CCSER1: variants seen among roughly 807,000 people sequenced by gnomAD.
The protein encoded by CCSER1 is coiled-coil serine rich protein 1, also known as serine-rich coiled-coil domain-containing protein 1.
Under a neutral mutation model 82.0 loss-of-function variants are expected in CCSER1, and 41 were observed. The observed-to-expected ratio is 0.50, with a 90% CI of 0.39 to 0.65. The LOEUF (loss-of-function observed/expected upper bound fraction) is 0.65, where lower values mean the gene tolerates loss of function less well. Among genes scored for constraint, CCSER1 ranks in the 30% least tolerant of loss-of-function variants. The probability of loss-of-function intolerance (pLI) is 0.00; values close to 1 mark genes in which losing one functional copy is unlikely to be tolerated. For missense variants in CCSER1, 1,119 were observed against 1,064.2 expected, an observed-to-expected ratio of 1.05 and a Z score of -0.72; for synonymous variants, 414 against 383.9, an observed-to-expected ratio of 1.08 and a Z score of -0.92.
intron 1 of CCSER1, among the ~76,000 whole-genome samples, chr4:90,245,474 C>T (rs1721258866): frequency 6.6e-6 from 1 of 152,120 alleles, no homozygotes; most frequent in South Asian, 2.1e-4. Flanking sequence ...AGGAAAAAGA[C>T]ATTATTGTTG....
chr4:90,334,860 C>A lies in CCSER1; in HGVS notation c.1509+21813C>A, dbSNP rs549685125. On this transcript the variant is annotated intron_variant, in intron 3 of 10. Transcript: ENST00000509176. ...ATAAAATACCACAATTTATTAGTGA[C>A]TGAAGTCACACAGCCCAATTTATGA... 1.5e-3 allele frequency among the ~76,000 whole-genome samples: 232 copies of A among 152,248 alleles called. 1 individual carries two copies. The highest frequency in any genetic ancestry group is 5.4e-3 in the African/African-American group (226 of 41,560).
intron 5 of CCSER1, among the ~76,000 whole-genome samples, chr4:90,519,487 G>A (rs1772788126): frequency 6.6e-6 from 1 of 151,814 alleles, no homozygotes; most frequent in Non-Finnish European, 1.5e-5. Flanking sequence ...GTTACATAGG[G>A]AAGAATAAAA....
intron 10 of CCSER1, among the ~76,000 whole-genome samples, chr4:91,523,224 T>G (rs1388495689): frequency 6.6e-6 from 1 of 152,176 alleles, no homozygotes; most frequent in Admixed American, 6.5e-5. Context: ...GAAATGAAGC[T>G]GACTTGATCA....
intron 10 of CCSER1, among the ~76,000 whole-genome samples, chr4:91,286,505 G>A (rs915318846): frequency 4.0e-5 from 6 of 151,700 alleles, no homozygotes; most frequent in Non-Finnish European, 5.9e-5. Context: ...ATGGGTTTAT[G>A]TTTTAAAATT....
intron 7 of CCSER1, among the ~76,000 whole-genome samples, chr4:90,757,933 C>CTTTTTTTTTTTTTT (rs200053849): frequency 5.1e-5 from 7 of 136,490 alleles, no homozygotes; most frequent in Non-Finnish European, 3.2e-5. Context: ...GTTTCCTTTT[C>CTTTTTTTTTTTTTT]TTTTTTTTTT....
chr4:91,064,612 T>C (rs1744209783), intron 9 of CCSER1, among the ~76,000 whole-genome samples: 1 of 152,206 alleles, frequency 6.6e-6, no homozygotes, highest in African/African-American at 2.4e-5. Flanking sequence ...GCCACAATCA[T>C]AGAAATTCCA....
At chr4:90,557,071 C>G (rs904714598) in intron 5 of CCSER1, among the ~76,000 whole-genome samples, 4 of 151,718 alleles carry the variant, frequency 2.6e-5, no homozygotes, top group African/African-American at 9.7e-5. Flanking sequence ...TCTTCTCTCA[C>G]TATATTAATT....
chr4:91,109,425 T>C (rs1482469493), intron 10 of CCSER1, among the ~76,000 whole-genome samples: 3 of 152,074 alleles, frequency 2.0e-5, no homozygotes, highest in African/African-American at 7.2e-5. Context: ...AGTAACTTAT[T>C]AGCCCTAGTA....
intron 10 of CCSER1, among the ~76,000 whole-genome samples, chr4:91,544,723 TG>T (rs1416796643): frequency 2.0e-5 from 3 of 152,246 alleles, no homozygotes; most frequent in South Asian, 4.2e-4. Context: ...CTGCCCCTAC[TG>T]GGGGGTGCCT....
intron 7 of CCSER1, among the ~76,000 whole-genome samples, chr4:90,731,663 A>G (rs1744770536): frequency 6.6e-6 from 1 of 152,182 alleles, no homozygotes; most frequent in Non-Finnish European, 1.5e-5. Context: ...TTAAATAAAC[A>G]TGGCATCATT....
intron 1 of CCSER1, among the ~76,000 whole-genome samples, chr4:90,270,875 G>T (rs1488715311): frequency 6.6e-6 from 1 of 151,990 alleles, no homozygotes; most frequent in Non-Finnish European, 1.5e-5. Flanking sequence ...AATCAAGAAA[G>T]TAATTGCATT....
chr4:91,021,011 G>T (rs1024128576), intron 9 of CCSER1, among the ~76,000 whole-genome samples: 1 of 152,112 alleles, frequency 6.6e-6, no homozygotes, highest in Non-Finnish European at 1.5e-5. Flanking sequence ...CAAAGTTAGT[G>T]TCTTAAAGAA....
At chr4:91,365,754 C>T (rs1012348469) in intron 10 of CCSER1, among the ~76,000 whole-genome samples, 3 of 152,004 alleles carry the variant, frequency 2.0e-5, no homozygotes, top group African/African-American at 7.2e-5. Context: ...GATGAAGTGG[C>T]GTGGTCAGAG....
chr4:90,929,878 C>T (rs1729510048), intron 9 of CCSER1, among the ~76,000 whole-genome samples: 1 of 151,994 alleles, frequency 6.6e-6, no homozygotes, highest in East Asian at 1.9e-4. Flanking sequence ...TCAAATGTCT[C>T]ACTACAAAAA....
At chr4:91,357,089 G>A (rs765585415) in intron 10 of CCSER1, among the ~76,000 whole-genome samples, 73 of 152,246 alleles carry the variant, frequency 4.8e-4, no homozygotes, top group Non-Finnish European at 8.2e-4. Context: ...CTTAACTGCC[G>A]AAGTTTGTTT....
chr4:90,268,346 A>G (rs1725622534), intron 1 of CCSER1, among the ~76,000 whole-genome samples: 1 of 152,312 alleles, frequency 6.6e-6, no homozygotes, highest in Middle Eastern at 3.4e-3. Flanking sequence ...CAACAATTTC[A>G]GACATGGATA....
chr4:90,691,160 A>G (rs71609600), intron 6 of CCSER1, among the ~76,000 whole-genome samples: 4,756 of 152,138 alleles, frequency 0.031, 91 homozygotes, highest in South Asian at 0.056. Context: ...GCCTTACCTC[A>G]AGTTTATTAA....
intron 6 of CCSER1, among the ~76,000 whole-genome samples, chr4:90,682,747 A>G (rs1579898827): frequency 6.6e-6 from 1 of 152,064 alleles, no homozygotes; most frequent in Non-Finnish European, 1.5e-5. Flanking sequence ...TTGAACATAT[A>G]TAATAGTTTG....
At chr4:91,055,768 C>G (rs1478858546) in intron 9 of CCSER1, among the ~76,000 whole-genome samples, 1 of 148,906 alleles carries the variant, frequency 6.7e-6, no homozygotes, top group East Asian at 2.0e-4. Context: ...CCCCTTCTCC[C>G]TCTATACCTC....
Sources: gnomAD v4.1 joint callset for allele counts (sites outside exome capture counted in the v4.1 genomes callset) on GRCh38, gnomAD v4.1.1 for gene constraint, MANE v1.5 for transcripts, NCBI Gene and HGNC (gene_info 2026-07-23, HGNC 2026-07-21) for gene names.